Variants in ADCY8 observed in about 807,000 individuals in gnomAD.
ADCY8 encodes the protein adenylate cyclase type 8.
In ADCY8, 51 loss-of-function variants were observed where a neutral mutation model predicts 119.7. The ratio of observed to expected loss-of-function variants is 0.43; its 90% CI spans 0.34 to 0.54. The LOEUF is 0.54. ADCY8 is among the 20% of genes least tolerant of loss of function. ADCY8 has a pLI of 0.03. For missense variants in ADCY8, 1,383 were observed against 1,598.8 expected, an observed-to-expected ratio of 0.87 and a Z score of 2.30; for synonymous variants, 665 against 651.0, an observed-to-expected ratio of 1.02 and a Z score of -0.33.
chr8:130,980,300 G>T (rs1365373609), intron 2 of ADCY8, among the ~76,000 whole-genome samples: 1 of 152,140 alleles, frequency 6.6e-6, no homozygotes, highest in Non-Finnish European at 1.5e-5. Context: ...ACATTTTGAG[G>T]TTCGGGGGAA....
At chr8:131,008,999 A>C (rs1447451102) in intron 1 of ADCY8, among the ~76,000 whole-genome samples, 1 of 152,236 alleles carries the variant, frequency 6.6e-6, no homozygotes, top group African/African-American at 2.4e-5. Flanking sequence ...TCTAAGCGGC[A>C]AAAGGTTCAA....
At chr8:130,933,182 T>C (rs6997554) in intron 5 of ADCY8, among the ~76,000 whole-genome samples, 70,327 of 151,876 alleles carry the variant, frequency 0.46, 17,516 homozygotes, top group African/African-American at 0.63. Flanking sequence ...AACACGAAAT[T>C]TGGGGACACC....
At chr8:131,009,029 G>A (rs775318913) in intron 1 of ADCY8, among the ~76,000 whole-genome samples, 2 of 152,148 alleles carry the variant, frequency 1.3e-5, no homozygotes, top group Non-Finnish European at 2.9e-5. Context: ...GAGCATAAAA[G>A]TTCACAAAAT....
chr8:130,927,652 T>C (rs187779337), intron 5 of ADCY8, among the ~76,000 whole-genome samples: 68 of 152,308 alleles, frequency 4.5e-4, no homozygotes, highest in South Asian at 4.1e-4. Flanking sequence ...GTGGATTTTA[T>C]ATCCTGCAAC....
chr8:130,976,143 T>G (rs1822065819), intron 2 of ADCY8, among the ~76,000 whole-genome samples: 1 of 152,174 alleles, frequency 6.6e-6, no homozygotes, highest in South Asian at 2.1e-4. Context: ...ATAGCAGTAG[T>G]GATTGATCCA....
intron 2 of ADCY8, among the ~76,000 whole-genome samples, chr8:130,959,458 T>C (rs1821533607): frequency 6.6e-6 from 1 of 152,248 alleles, no homozygotes; most frequent in African/African-American, 2.4e-5. Flanking sequence ...TCATAATTCC[T>C]GTAACTGTTT....
Position 130,951,988 on chromosome 8 carries a change from A to G in ADCY8, c.1121T>C (p.Val374Ala), listed in dbSNP as rs778898706. Residue 374 changes from valine to alanine, a missense_variant, in exon 3 of 18, where the codon GTG becomes GCG. By Grantham distance (64) the Val-to-Ala change is moderately conservative. Coordinates refer to ENST00000286355, the MANE Select transcript of ADCY8 (RefSeq NM_001115.3). Reference protein sequence around the residue: ...ETENQRQERLVLSVLPRFVVL... With the variant: ...ETENQRQERLALSVLPRFVVL... ...AACAAACCGGGGGAGCACAGAAAGC[A>G]CGAGCCGCTCCTGGAACAAATGAAG... 6.2e-7 allele frequency: 1 copy of G among 1,613,674 alleles called. No individual in the cohort carries two copies. The highest frequency in any genetic ancestry group is 8.5e-7 in the Non-Finnish European group (1 of 1,179,802).
intron 12 of ADCY8, among the ~76,000 whole-genome samples, chr8:130,823,232 A>G (rs1478616149): frequency 7.0e-6 from 1 of 143,736 alleles, no homozygotes; most frequent in Non-Finnish European, 1.5e-5. Flanking sequence ...AACTCAGAAG[A>G]AAAAGTAAAA....
Position 130,857,405 on chromosome 8 carries a change from C to T in ADCY8, c.2211-7602G>A, listed in dbSNP as rs1338282663. Reference sequence around the variant, plus strand: ...TTAGTCTCATCCATTTTTATTAAATCTGATTTGTCTTTTAAATCTTAAAAT... The same window carrying T: ...TTAGTCTCATCCATTTTTATTAAATTTGATTTGTCTTTTAAATCTTAAAAT... On this transcript the variant is annotated intron_variant, in intron 9 of 17. Transcript: ENST00000286355. Among the ~76,000 whole-genome samples the T allele has an allele frequency of 5.3e-5, 8 of 152,078 alleles. No individual in the cohort carries two copies. In the East Asian group the frequency reaches 1.5e-3, roughly 29 times the overall value.
intron 7 of ADCY8, among the ~76,000 whole-genome samples, chr8:130,902,109 C>T (rs530790157): frequency 1.8e-4 from 28 of 152,228 alleles, no homozygotes; most frequent in Non-Finnish European, 2.6e-4. Context: ...TTCCTACAAT[C>T]AGCATAACTG....
chr8:130,953,636 C>G (rs953514980), intron 2 of ADCY8, among the ~76,000 whole-genome samples: 1 of 152,130 alleles, frequency 6.6e-6, no homozygotes, highest in Admixed American at 6.5e-5. Context: ...GGTAAACTAT[C>G]TCATCTTTCT....
chr8:130,803,748 C>T (rs1031001263), intron 14 of ADCY8, among the ~76,000 whole-genome samples: 1 of 152,200 alleles, frequency 6.6e-6, no homozygotes, highest in Admixed American at 6.5e-5. Context: ...GATCAGAGGA[C>T]TCCCAAGGCC....
At chr8:131,023,738 G>A (rs1047177568) in intron 1 of ADCY8, among the ~76,000 whole-genome samples, 8 of 152,134 alleles carry the variant, frequency 5.3e-5, no homozygotes, top group Non-Finnish European at 1.0e-4. Flanking sequence ...ATCTGCACAT[G>A]TGCATGAGAT....
At chr8:130,897,965 A>C (rs1819463472) in intron 7 of ADCY8, among the ~76,000 whole-genome samples, 1 of 151,594 alleles carries the variant, frequency 6.6e-6, no homozygotes, top group Non-Finnish European at 1.5e-5. Context: ...ACACCACACC[A>C]CACACATATT....
Position 130,794,797 on chromosome 8 carries a change from A to G in ADCY8, c.3060+5629T>C, listed in dbSNP as rs76363214. ...TTTTAATCTCTGCATTTAACTTACA[A>G]TGACCCTACTGTATCTCATTTTGTA... On this transcript the variant is annotated intron_variant, in intron 15 of 17. Coordinates refer to ENST00000286355, the MANE Select transcript of ADCY8 (RefSeq NM_001115.3). Among the ~76,000 whole-genome samples, 1,474 of 152,334 alleles carry G rather than the reference A, an allele frequency of 9.7e-3. 30 individuals carry two copies. The highest frequency in any genetic ancestry group is 0.034 in the African/African-American group (1,416 of 41,578).
At chr8:131,011,520 A>C (rs770075996) in intron 1 of ADCY8, among the ~76,000 whole-genome samples, 8 of 152,046 alleles carry the variant, frequency 5.3e-5, no homozygotes, top group African/African-American at 1.7e-4. Flanking sequence ...TCAGTGCCTG[A>C]CCCCCAGAGG....
intron 5 of ADCY8, among the ~76,000 whole-genome samples, chr8:130,927,134 T>C (rs749303204): frequency 2.0e-5 from 3 of 152,178 alleles, no homozygotes; most frequent in Non-Finnish European, 4.4e-5. Flanking sequence ...ATTAGACATA[T>C]GGTAGTTCTA....
At chr8:131,014,285 C>T (rs935146658) in intron 1 of ADCY8, among the ~76,000 whole-genome samples, 4 of 152,020 alleles carry the variant, frequency 2.6e-5, no homozygotes, top group East Asian at 3.9e-4. Flanking sequence ...AATGTTCTTC[C>T]GAAATTTATG....
intron 5 of ADCY8, among the ~76,000 whole-genome samples, chr8:130,919,505 T>G (rs1586571119): frequency 1.3e-5 from 2 of 151,984 alleles, no homozygotes; most frequent in African/African-American, 4.8e-5. Context: ...GAGGGTTGGG[T>G]GGGTAAATGT....
Sources: allele counts gnomAD v4.1 joint callset (sites outside exome capture counted in the v4.1 genomes callset), GRCh38; gene constraint gnomAD v4.1.1; transcripts MANE v1.5; gene names NCBI Gene and HGNC (gene_info 2026-07-23, HGNC 2026-07-21).